Variants in AREG observed in about 807,000 individuals in gnomAD.
The protein encoded by AREG is amphiregulin.
A neutral mutation model predicts 28.0 loss-of-function variants in AREG; 16 were observed. That is an observed-to-expected ratio of 0.57 (90% CI 0.39 to 0.87). The LOEUF is 0.87. Among genes scored for constraint, AREG ranks in the 40% least tolerant of loss-of-function variants. The pLI is 0.00. For synonymous variants in AREG, 113 were observed against 113.5 expected (o/e 1.00, Z 0.02); for missense variants, 287 against 309.1 (o/e 0.93, Z 0.53).
At chr4:74,446,493 A>G (rs1719289647) in intron 1 of AREG, 41 bp from the exon 2 acceptor site, 2 of 1,613,960 alleles carry the variant, frequency 1.2e-6, no homozygotes, top group Admixed American at 3.3e-5. Context: ...AAGGCACCCT[A>G]CTTTACCTTT....
Position 74,452,605 on chromosome 4 carries a change from CAA to C in AREG, c.728_729del (p.Gln243ArgfsTer27), listed in dbSNP as rs2110413113. The C allele has an allele frequency of 6.2e-7, 1 of 1,613,452 alleles. No homozygotes were observed. Among genetic ancestry groups the C allele is most frequent in the Non-Finnish European group, 8.5e-7 (1 of 1,179,652 alleles). On this transcript the variant is annotated frameshift_variant, in exon 5 of 6. Coordinates refer to ENST00000395748, the MANE Select transcript of AREG (RefSeq NM_001657.4). LOFTEE classifies it high-confidence loss of function. Reference sequence around the variant, plus strand: ...AGCTGAGGAACGAAAGAAACTTCGACAAGAGAATGGAAATGTACATGCTATAG... The same window carrying C: ...AGCTGAGGAACGAAAGAAACTTCGACGAGAATGGAAATGTACATGCTATAG... ...GEAEERKKLR[Q>X]ENGNVHAIA is the part of the protein sequence containing the mutation.
At chr4:74,446,155 A>G (rs960835845) in intron 1 of AREG, among the ~76,000 whole-genome samples, 1 of 152,272 alleles carries the variant, frequency 6.6e-6, no homozygotes, top group African/African-American at 2.4e-5. Context: ...AAACCTACCG[A>G]AATAGGCCAG....
rs781465767 is a variant in AREG, at chr4:74,446,767, G to A, written c.295G>A (p.Asp99Asn). 2.4e-5 allele frequency: 39 copies of A among 1,613,794 alleles called. No homozygotes were observed. The highest frequency in any genetic ancestry group is 3.2e-5 in the Non-Finnish European group (38 of 1,179,854). The change falls in exon 2 of 6, where the codon GAT becomes AAT. Residue 99 changes from aspartate (D) to asparagine (N), a missense_variant. Coordinates refer to ENST00000395748, the MANE Select transcript of AREG (RefSeq NM_001657.4). Reference sequence around the variant, plus strand: ...ACCACAAATACCTGGCTATATTGTCGATGATTCAGTCAGAGGTGAGTAGGG... The same window carrying A: ...ACCACAAATACCTGGCTATATTGTCAATGATTCAGTCAGAGGTGAGTAGGG... Reference protein sequence around the residue: ...NEPQIPGYIVDDSVRVEQVVK... With the variant: ...NEPQIPGYIVNDSVRVEQVVK...
intron 1 of AREG, 141 bp from the exon 2 acceptor site, chr4:74,446,393 A>G: frequency 1.4e-6 from 2 of 1,480,524 alleles, no homozygotes; most frequent in Non-Finnish European, 1.8e-6. Flanking sequence ...TTTCTTTCAT[A>G]GAAATGACTC....
At chr4:74,449,844 C>G (rs2110412022) in intron 3 of AREG, among the ~76,000 whole-genome samples, 1 of 152,016 alleles carries the variant, frequency 6.6e-6, no homozygotes, top group African/African-American at 2.4e-5. Context: ...GGATTTGATC[C>G]ATGGGCTGTA....
In AREG at chr4:74,452,544, G is replaced by T; in HGVS notation, c.666G>T (p.Gln222His). 1.9e-6 allele frequency: 3 copies of T among 1,613,446 alleles called. No homozygotes were observed. Among genetic ancestry groups the T allele is most frequent in the Non-Finnish European group, 2.5e-6 (3 of 1,179,638 alleles). ...ILTAVAVITV[Q>H]LRRQYVRKYE... ...CATTAGAATGCCTTGTTCTCTGAAG[G>T]CTTAGAAGACAATACGTCAGGAAAT... is the stretch of plus-strand genomic sequence containing the variant. The change falls in exon 5 of 6, where the codon CAG becomes CAT. Residue 222 changes from glutamine (Q) to histidine (H), a missense_variant and splice_region_variant. Coordinates refer to ENST00000395748, the MANE Select transcript of AREG (RefSeq NM_001657.4).
intron 4 of AREG, among the ~76,000 whole-genome samples, chr4:74,450,763 A>G (rs896554877): frequency 1.2e-4 from 19 of 152,124 alleles, no homozygotes; most frequent in Admixed American, 7.9e-4. Context: ...AAGATCTAGA[A>G]ATTTTTTGAA....
At chr4:74,454,092 A>T (rs1719423027) in intron 5 of AREG, among the ~76,000 whole-genome samples, 1 of 152,186 alleles carries the variant, frequency 6.6e-6, no homozygotes, top group Non-Finnish European at 1.5e-5. Flanking sequence ...TTTTGTTTTT[A>T]GCCTATTGCA....
At position 74,445,166 on chromosome 4, in the gene AREG, C is replaced by T. The variant is rs1719245846; in HGVS notation, c.-180C>T. On this transcript the variant is annotated 5_prime_UTR_variant, in exon 1 of 6. Coordinates refer to ENST00000395748, the MANE Select transcript of AREG (RefSeq NM_001657.4). ...TTCGCACACCTGGGTGCCAGCGCCC[C>T]AGAGGTCCCGGGACAGCCCGAGGCG... 2 of 1,388,472 alleles carry T rather than the reference C, an allele frequency of 1.4e-6. No homozygotes were observed. Among genetic ancestry groups the T allele is most frequent in the Non-Finnish European group, 1.9e-6 (2 of 1,044,926 alleles). The allele number at this position is 1,388,472 out of a possible 1,614,324, so 86.0% of individuals were successfully genotyped here.
At position 74,454,856 on chromosome 4, in the gene AREG, G is replaced by A. The variant is rs1007294647; in HGVS notation, c.*116G>A. The A allele has an allele frequency of 1.4e-6, 1 of 699,032 alleles. No homozygotes were observed. The highest frequency in any genetic ancestry group is 2.0e-5 in the Admixed American group (1 of 49,884). 43.3% of individuals were successfully genotyped at this position (699,032 alleles called of 1,614,324 possible). On this transcript the variant is annotated 3_prime_UTR_variant, in exon 6 of 6. Coordinates refer to ENST00000395748, the MANE Select transcript of AREG (RefSeq NM_001657.4). The stretch of plus-strand genomic sequence containing the variant: ...GACAATGGACCCTTTTTGTTATGAT[G>A]GTTTTAAACTTTCAATTGTCACTTT...
At chr4:74,448,756 C>T in intron 2 of AREG, 1 of 326,054 alleles carries the variant, frequency 3.1e-6, no homozygotes, top group Non-Finnish European at 5.7e-6. Flanking sequence ...GGTGTTGGAG[C>T]ATTGTAACAT....
chr4:74,446,517 T>G lies in AREG; in HGVS notation c.62-17T>G, dbSNP rs751373903. The G allele has an allele frequency of 4.4e-5, 71 of 1,613,856 alleles. No individual in the cohort carries two copies. The South Asian group carries it at 6.7e-4, about 15-fold the overall frequency. Reference sequence around the variant, plus strand: ...TACTTTACCTTTTCTTTTCTTCCTTTATTCCCTCCCCTGCAGGCCATTATG... The same window carrying G: ...TACTTTACCTTTTCTTTTCTTCCTTGATTCCCTCCCCTGCAGGCCATTATG... On this transcript the variant is annotated splice_polypyrimidine_tract_variant and intron_variant, in intron 1 of 5. Transcript: ENST00000395748.
In AREG at chr4:74,445,374, C is replaced by T. The variant is rs376784024; in HGVS notation, c.29C>T (p.Pro10Leu). ...AGAGCCCCGCTGCTACCGCCGGCGC[C>T]GGTGGTGCTGTCGCTCTTGATACTC... Reference protein sequence around the residue: MRAPLLPPAPVVLSLLILGS... With the variant: MRAPLLPPALVVLSLLILGS... Residue 10 changes from proline (P) to leucine (L), a missense_variant, in exon 1 of 6, where the codon CCG becomes CTG. Transcript: ENST00000395748. The T allele has an allele frequency of 2.4e-3, 3,795 of 1,610,818 alleles. 122 individuals are homozygous for T. In the South Asian group the frequency reaches 0.039, roughly 17 times the overall value.
Position 74,452,672 on chromosome 4 carries a change from A to C in AREG, c.*18+17A>C. The C allele has an allele frequency of 1.2e-6, 2 of 1,603,546 alleles. No homozygotes were observed. Among genetic ancestry groups the C allele is most frequent in the Non-Finnish European group, 1.7e-6 (2 of 1,174,078 alleles). ...AAATTACAGGTTTGAGTTTTAAAAT[A>C]TATCTTTAGATCATATCCTATAATT... On this transcript the variant is annotated intron_variant, in intron 5 of 5. Coordinates refer to ENST00000395748, the MANE Select transcript of AREG (RefSeq NM_001657.4).
chr4:74,447,786 TG>T (rs1719317417), intron 2 of AREG, among the ~76,000 whole-genome samples: 1 of 151,946 alleles, frequency 6.6e-6, no homozygotes, highest in Admixed American at 6.6e-5. Flanking sequence ...CTTGGGTGAG[TG>T]GGAAGTGAGA....
intron 2 of AREG, 197 bp from the exon 3 acceptor site, chr4:74,448,850 C>A: frequency 1.4e-6 from 1 of 718,718 alleles, no homozygotes; most frequent in African/African-American, 1.8e-5. Flanking sequence ...TGAGTGGACA[C>A]TACTTTCAGG....
intron 2 of AREG, among the ~76,000 whole-genome samples, chr4:74,446,997 C>G (rs953729423): frequency 1.3e-5 from 2 of 152,092 alleles, no homozygotes; most frequent in South Asian, 2.1e-4. Flanking sequence ...ATTTTTAAAC[C>G]TAATCTTCAC....
intron 3 of AREG, among the ~76,000 whole-genome samples, 161 bp downstream of exon 3, chr4:74,449,409 T>C (rs896510003): frequency 6.6e-5 from 10 of 152,182 alleles, no homozygotes; most frequent in African/African-American, 2.4e-4. Context: ...TGGGCCAAGA[T>C]TGTTACATGT....
chr4:74,446,383 T>C, intron 1 of AREG, 151 bp from the exon 2 acceptor site: 4 of 1,453,640 alleles, frequency 2.8e-6, no homozygotes, highest in South Asian at 2.6e-5. Flanking sequence ...AAATGTAAAG[T>C]TTCTTTCATA....
Sources: gnomAD v4.1 joint callset for allele counts (sites outside exome capture counted in the v4.1 genomes callset) on GRCh38, gnomAD v4.1.1 for gene constraint, MANE v1.5 for transcripts, NCBI Gene and HGNC (gene_info 2026-07-23, HGNC 2026-07-21) for gene names.